MEGF10: variants seen among roughly 807,000 people sequenced by gnomAD.
MEGF10 encodes multiple epidermal growth factor-like domains protein 10.
Under a neutral mutation model 147.5 loss-of-function variants are expected in MEGF10, and 86 were observed. The observed-to-expected ratio is 0.58, with a 90% CI of 0.49 to 0.70. The LOEUF (loss-of-function observed/expected upper bound fraction) is 0.70. Among genes scored for constraint, MEGF10 ranks in the 30% least tolerant of loss-of-function variants. The probability of loss-of-function intolerance (pLI) is 0.00; values close to 1 mark genes in which losing one functional copy is unlikely to be tolerated. For synonymous variants in MEGF10, 478 were observed against 525.5 expected (o/e 0.91, Z 1.24); for missense variants, 1,329 against 1,487.3 (o/e 0.89, Z 1.75).
At chr5:127,390,835 C>G (rs1763622407) in intron 5 of MEGF10, among the ~76,000 whole-genome samples, 1 of 152,032 alleles carries the variant, frequency 6.6e-6, no homozygotes, top group Non-Finnish European at 1.5e-5. Flanking sequence ...AACACGGACT[C>G]TGGAGGCAGG....
In MEGF10 at chr5:127,457,869, G is replaced by C. The variant is rs1025283407; in HGVS notation, c.*551G>C. On this transcript the variant is annotated 3_prime_UTR_variant, in exon 25 of 25. Transcript: ENST00000503335. Reference sequence around the variant, plus strand: ...GCAGGAGGAAACATTCTGTCAGGCGGTATGACTGGACAGACTTTGAATATA... The same window carrying C: ...GCAGGAGGAAACATTCTGTCAGGCGCTATGACTGGACAGACTTTGAATATA... The C allele has an allele frequency of 2.0e-5, 3 of 152,518 alleles. No individual in the cohort carries two copies. The highest frequency in any genetic ancestry group is 7.2e-5 in the African/African-American group (3 of 41,436). 9.4% of individuals were successfully genotyped at this position (152,518 alleles called of 1,614,324 possible). A position where few individuals can be genotyped will look rare whatever the true frequency, so the allele number is the denominator to read the frequency against.
rs908372448 is a variant in MEGF10 at position 127,299,804 on chromosome 5, G to A, written c.-19+8748G>A. Among the ~76,000 whole-genome samples the A allele has an allele frequency of 4.6e-5, 7 of 151,498 alleles. No individual in the cohort carries two copies. In the East Asian group the frequency reaches 1.4e-3, roughly 29 times the overall value. The stretch of plus-strand genomic sequence containing the variant: ...ACTTGAATGAGGCAGAACAGGGAAA[G>A]CCTTTTCTGGACGTGATGGGTTCTG... On this transcript the variant is annotated intron_variant, in intron 1 of 24. Transcript: ENST00000503335.
At chr5:127,400,604 C>T (rs925244764) in intron 7 of MEGF10, among the ~76,000 whole-genome samples, 1 of 152,192 alleles carries the variant, frequency 6.6e-6, no homozygotes, top group Non-Finnish European at 1.5e-5. Context: ...ACTCCATGCT[C>T]TTTGGATAAG....
At chr5:127,331,269 T>C in intron 1 of MEGF10, 22 bp from the exon 2 acceptor site, 1 of 1,268,834 alleles carries the variant, frequency 7.9e-7, no homozygotes, top group Non-Finnish European at 1.1e-6. Flanking sequence ...CATTTCTAAT[T>C]GGGATTTTTT....
rs115355004 is a variant in MEGF10 at position 127,304,792 on chromosome 5, G to T, written c.-19+13736G>T. On this transcript the variant is annotated intron_variant, in intron 1 of 24. Transcript: ENST00000503335. ...TTACAGGGGTGATCCACTGCAACTG[G>T]CCTGGAGGTGTGTTCCTATGAGTGT... Among the ~76,000 whole-genome samples, 834 of 152,094 alleles carry T rather than the reference G, an allele frequency of 5.5e-3. 7 individuals are homozygous for T. The highest frequency in any genetic ancestry group is 9.9e-3 in the Non-Finnish European group (675 of 67,926).
chr5:127,335,537 A>G (rs552054905), intron 2 of MEGF10, among the ~76,000 whole-genome samples: 1 of 152,284 alleles, frequency 6.6e-6, no homozygotes. Context: ...GCTTCCAGAA[A>G]ATGGACCCCT....
intron 5 of MEGF10, among the ~76,000 whole-genome samples, chr5:127,372,219 T>C (rs1192183301): frequency 6.6e-6 from 1 of 152,212 alleles, no homozygotes; most frequent in Non-Finnish European, 1.5e-5. Flanking sequence ...TATAATTGCT[T>C]TGATAATTAG....
the MEGF10 span, among the ~76,000 whole-genome samples, chr5:127,241,281 G>T: frequency 6.6e-6 from 1 of 152,174 alleles, no homozygotes; most frequent in African/African-American, 2.4e-5. Context: ...AAAGGTGGAG[G>T]TTGGTTTCAG....
chr5:127,401,435 C>T (rs1192259808), intron 7 of MEGF10, among the ~76,000 whole-genome samples: 1 of 152,138 alleles, frequency 6.6e-6, no homozygotes, highest in East Asian at 1.9e-4. Flanking sequence ...CTAGAAACCA[C>T]CAGAGGAGAC....
At chr5:127,312,143 G>A (rs548768491) in intron 1 of MEGF10, among the ~76,000 whole-genome samples, 4 of 152,242 alleles carry the variant, frequency 2.6e-5, no homozygotes, top group African/African-American at 9.6e-5. Context: ...CTCCAGGGAA[G>A]CATGGTCAGT....
intron 5 of MEGF10, among the ~76,000 whole-genome samples, chr5:127,375,947 A>G (rs138191586): frequency 0.017 from 2,559 of 152,380 alleles, 21 homozygotes; most frequent in Middle Eastern, 0.024. Context: ...ATAAAGGAAC[A>G]AATGAGTAAT....
chr5:127,451,299 C>G (rs968979979), intron 22 of MEGF10, among the ~76,000 whole-genome samples: 1 of 152,198 alleles, frequency 6.6e-6, no homozygotes, highest in African/African-American at 2.4e-5. Context: ...GGGAATGCCT[C>G]TTTCTATGGA....
chr5:127,284,698 C>T, the MEGF10 span, among the ~76,000 whole-genome samples: 1 of 58,254 alleles, frequency 1.7e-5, no homozygotes, highest in African/African-American at 4.5e-5. Flanking sequence ...AAATGATAAC[C>T]TTCTGCCATA....
At chr5:127,449,311 T>C in intron 22 of MEGF10, 89 bp downstream of exon 22, 2 of 1,552,130 alleles carry the variant, frequency 1.3e-6, no homozygotes, top group South Asian at 1.2e-5. Context: ...CAAGGTGTTC[T>C]ATTGAAAACT....
At chr5:127,327,639 A>G (rs943472059) in intron 1 of MEGF10, among the ~76,000 whole-genome samples, 2 of 152,028 alleles carry the variant, frequency 1.3e-5, no homozygotes, top group Non-Finnish European at 2.9e-5. Flanking sequence ...ACCAAAACCT[A>G]TAGAAGAAAA....
intron 4 of MEGF10, among the ~76,000 whole-genome samples, chr5:127,362,912 G>C (rs947229834): frequency 6.6e-6 from 1 of 151,600 alleles, no homozygotes; most frequent in Admixed American, 6.6e-5. Context: ...TTCTTCATTG[G>C]CTTACTAGCT....
intron 4 of MEGF10, among the ~76,000 whole-genome samples, chr5:127,366,644 A>C (rs1486514993): frequency 6.6e-6 from 1 of 152,226 alleles, no homozygotes; most frequent in Non-Finnish European, 1.5e-5. Flanking sequence ...ACTTTGGCCA[A>C]ATGTTAGCTC....
intron 5 of MEGF10, among the ~76,000 whole-genome samples, chr5:127,392,354 C>A (rs954593973): frequency 3.3e-5 from 5 of 152,166 alleles, no homozygotes; most frequent in Non-Finnish European, 5.9e-5. Flanking sequence ...ACTTAACAGT[C>A]CTCTACCCTG....
chr5:127,326,036 CCT>C (rs1393249346), intron 1 of MEGF10, among the ~76,000 whole-genome samples: 1 of 151,180 alleles, frequency 6.6e-6, no homozygotes, highest in African/African-American at 2.4e-5. Context: ...ATACTCCACC[CCT>C]CTCAGTAGCT....
Sources: allele counts gnomAD v4.1 joint callset (sites outside exome capture counted in the v4.1 genomes callset), GRCh38; gene constraint gnomAD v4.1.1; transcripts MANE v1.5; gene names NCBI Gene and HGNC (gene_info 2026-07-23, HGNC 2026-07-21).